Variants in NSMCE2 observed in about 807,000 individuals in gnomAD.
The protein encoded by NSMCE2 is E3 SUMO-protein ligase NSE2.
NSMCE2 carries 24 observed loss-of-function variants against 23.8 expected under a neutral mutation model. The observed-to-expected ratio is 1.01, with a 90% CI of 0.73 to 1.42. NSMCE2 has a LOEUF of 1.42. Among genes scored for constraint, NSMCE2 ranks in the 40% most tolerant of loss-of-function variants. NSMCE2 has a pLI of 0.00. For missense variants in NSMCE2, 284 were observed against 296.5 expected (o/e 0.96, Z 0.31); for synonymous variants, 92 against 94.1 (o/e 0.98, Z 0.13).
chr8:125,260,567 T>C (rs1370970259), intron 5 of NSMCE2, among the ~76,000 whole-genome samples: 4 of 149,982 alleles, frequency 2.7e-5, no homozygotes, highest in Admixed American at 2.0e-4. Context: ...ATAAAAAGAA[T>C]TTGGATCTAG....
intron 5 of NSMCE2, among the ~76,000 whole-genome samples, chr8:125,265,760 ATAGCCACT>A (rs1826885009): frequency 6.6e-6 from 1 of 152,150 alleles, no homozygotes; most frequent in Non-Finnish European, 1.5e-5. Flanking sequence ...ATCATACCAC[ATAGCCACT>A]TAAAATGCCT....
chr8:125,112,137 A>G (rs1818784811), intron 3 of NSMCE2, among the ~76,000 whole-genome samples: 3 of 152,372 alleles, frequency 2.0e-5, no homozygotes, highest in Admixed American at 1.3e-4. Context: ...TACAGCTTTT[A>G]TAACTGGAGC....
At chr8:125,114,683 GC>G (rs751394095) in intron 3 of NSMCE2, among the ~76,000 whole-genome samples, 2 of 152,188 alleles carry the variant, frequency 1.3e-5, no homozygotes, top group Non-Finnish European at 2.9e-5. Flanking sequence ...GAATGGGACA[GC>G]CCCTGCACAG....
In NSMCE2 at chr8:125,210,889, C is replaced by T. The variant is rs148224891; in HGVS notation, c.418+28633C>T. 1.1e-3 allele frequency among the ~76,000 whole-genome samples: 168 copies of T among 151,950 alleles called. 1 individual carries two copies. Among genetic ancestry groups the T allele is most frequent in the Middle Eastern group, 0.01 (3 of 294 alleles). ...GTATGTGCCAATATGCCACTATGCC[C>T]GGCTAATTTTTTTTGTATTTTTTGG... On this transcript the variant is annotated intron_variant, in intron 5 of 7. Transcript: ENST00000287437.
At chr8:125,134,109 T>C (rs1364097440) in intron 3 of NSMCE2, among the ~76,000 whole-genome samples, 4 of 152,244 alleles carry the variant, frequency 2.6e-5, no homozygotes, top group African/African-American at 4.8e-5. Context: ...AAAGCAATCA[T>C]ATTCTGGTGA....
chr8:125,190,709 C>T (rs1424948383), intron 5 of NSMCE2, among the ~76,000 whole-genome samples: 1 of 152,118 alleles, frequency 6.6e-6, no homozygotes, highest in East Asian at 1.9e-4. Context: ...TAGGTTTGCC[C>T]TATTCCTATT....
At chr8:125,136,711 T>G (rs1422479308) in intron 3 of NSMCE2, among the ~76,000 whole-genome samples, 1 of 152,148 alleles carries the variant, frequency 6.6e-6, no homozygotes, top group Non-Finnish European at 1.5e-5. Context: ...GTAGTTTACT[T>G]CACTCAACAA....
intron 4 of NSMCE2, among the ~76,000 whole-genome samples, chr8:125,162,267 C>T (rs1354638325): frequency 6.6e-6 from 1 of 152,152 alleles, no homozygotes; most frequent in Admixed American, 6.5e-5. Context: ...GCAAAAACAT[C>T]ATATGCTCAA....
At chr8:125,298,533 A>G (rs1563770118) in intron 5 of NSMCE2, among the ~76,000 whole-genome samples, 1 of 152,274 alleles carries the variant, frequency 6.6e-6, no homozygotes, top group East Asian at 1.9e-4. Context: ...GCTGCGCCTC[A>G]TTAGCAGGAT....
intron 5 of NSMCE2, among the ~76,000 whole-genome samples, chr8:125,335,309 C>T (rs913251470): frequency 3.3e-5 from 5 of 152,180 alleles, no homozygotes; most frequent in Admixed American, 2.0e-4. Context: ...TAGCGTTTTA[C>T]ATAAAATGCC....
chr8:125,214,922 C>G (rs1406546305), intron 5 of NSMCE2, among the ~76,000 whole-genome samples: 1 of 152,118 alleles, frequency 6.6e-6, no homozygotes, highest in East Asian at 1.9e-4. Context: ...TCACCATTAG[C>G]CACCTCCAGA....
At chr8:125,096,230 T>C (rs1280497543) in intron 1 of NSMCE2, among the ~76,000 whole-genome samples, 2 of 152,206 alleles carry the variant, frequency 1.3e-5, no homozygotes, top group Admixed American at 6.5e-5. Context: ...TTGCCTTGGG[T>C]ACAGTCATAG....
chr8:125,343,475 A>C (rs1830321271), intron 5 of NSMCE2, among the ~76,000 whole-genome samples: 2 of 152,146 alleles, frequency 1.3e-5, no homozygotes, highest in Admixed American at 1.3e-4. Flanking sequence ...ATATTATATA[A>C]ATTTAAAGTA....
intron 5 of NSMCE2, among the ~76,000 whole-genome samples, chr8:125,187,253 G>A (rs1013972820): frequency 2.6e-5 from 4 of 152,272 alleles, no homozygotes; most frequent in Admixed American, 1.3e-4. Flanking sequence ...AAGATTGATC[G>A]AAGATAACTT....
intron 5 of NSMCE2, among the ~76,000 whole-genome samples, chr8:125,277,610 C>T (rs1330673955): frequency 6.6e-6 from 1 of 151,994 alleles, no homozygotes; most frequent in Non-Finnish European, 1.5e-5. Flanking sequence ...AGGTTCACGC[C>T]ATTCTCCTGC....
At chr8:125,363,522 G>GAGAAAGAA (rs59016298) in intron 7 of NSMCE2, among the ~76,000 whole-genome samples, 2 of 130,212 alleles carry the variant, frequency 1.5e-5, no homozygotes, top group African/African-American at 2.9e-5. Flanking sequence ...GGAAAGAGGA[G>GAGAAAGAA]AGAAAGAAAG....
intron 4 of NSMCE2, 70 bp downstream of exon 4, chr8:125,151,347 TC>T: frequency 2.8e-6 from 2 of 723,966 alleles, no homozygotes; most frequent in Non-Finnish European, 4.9e-6. Context: ...AAACACAAAA[TC>T]AAAATTCTTC....
intron 5 of NSMCE2, among the ~76,000 whole-genome samples, chr8:125,258,642 A>G (rs1170403739): frequency 6.6e-6 from 1 of 152,174 alleles, no homozygotes; most frequent in African/African-American, 2.4e-5. Context: ...TAGAAAGTAA[A>G]ATAATAGGAA....
At chr8:125,219,553 A>G (rs1824755705) in intron 5 of NSMCE2, among the ~76,000 whole-genome samples, 1 of 152,180 alleles carries the variant, frequency 6.6e-6, no homozygotes, top group Admixed American at 6.5e-5. Context: ...CTCTGAACAC[A>G]TTTCATTCTT....
Sources: allele counts gnomAD v4.1 joint callset (sites outside exome capture counted in the v4.1 genomes callset), GRCh38; gene constraint gnomAD v4.1.1; transcripts MANE v1.5; gene names NCBI Gene and HGNC (gene_info 2026-07-23, HGNC 2026-07-21).